NMNAT2: variants seen among roughly 807,000 people sequenced by gnomAD.
NMNAT2 encodes nicotinamide nucleotide adenylyltransferase 2.
Under a neutral mutation model 41.6 loss-of-function variants are expected in NMNAT2, and 11 were observed. The ratio of observed to expected loss-of-function variants is 0.26; its 90% confidence interval spans 0.17 to 0.44. The LOEUF (loss-of-function observed/expected upper bound fraction) is 0.44, where lower values mean the gene tolerates loss of function less well. Among genes scored for constraint, NMNAT2 ranks in the 20% least tolerant of loss-of-function variants. The pLI, the probability that NMNAT2 is intolerant of heterozygous loss-of-function variation, is 1.00. For missense variants in NMNAT2, 288 were observed against 407.7 expected, an observed-to-expected ratio of 0.71 and a Z score of 2.53; for synonymous variants, 148 against 151.2, an observed-to-expected ratio of 0.98 and a Z score of 0.16.
At chr1:183,279,944 G>A (rs903724378) in intron 7 of NMNAT2, among the ~76,000 whole-genome samples, 1 of 152,208 alleles carries the variant, frequency 6.6e-6, no homozygotes, top group South Asian at 2.1e-4. Context: ...AGGTGCTCAG[G>A]CATGTTGAAT....
intron 1 of NMNAT2, among the ~76,000 whole-genome samples, chr1:183,412,387 C>A (rs1170425017): frequency 6.6e-6 from 1 of 152,186 alleles, no homozygotes; most frequent in African/African-American, 2.4e-5. Flanking sequence ...CCACGCCCGG[C>A]TAATTTTTTG....
chr1:183,261,232 C>A lies in NMNAT2; in HGVS notation c.723G>T (p.Met241Ile). 6.2e-7 allele frequency: 1 copy of A among 1,614,164 alleles called. No individual in the cohort carries two copies. Among genetic ancestry groups the A allele is most frequent in the Non-Finnish European group, 8.5e-7 (1 of 1,180,028 alleles). ...ATTTGCGGAGTATTGAGGAGTGATT[C>A]ATGATTCGGTCTGTGTCGGCTGCAT... ...PRDAADTDRI[M>I]NHSSILRKYK... Residue 241 changes from methionine to isoleucine, a missense_variant, in exon 9 of 11, where the codon ATG (methionine) becomes ATT (isoleucine). Met to Ile is a conservative substitution (Grantham distance 10). Transcript: ENST00000287713.
intron 1 of NMNAT2, among the ~76,000 whole-genome samples, chr1:183,296,919 T>C (rs992306650): frequency 1.3e-5 from 2 of 152,076 alleles, no homozygotes; most frequent in African/African-American, 4.8e-5. Context: ...TTTGAAGAAA[T>C]TGCACAGCCT....
chr1:183,417,990 T>C (rs1445465660), intron 1 of NMNAT2, among the ~76,000 whole-genome samples, 193 bp downstream of exon 1: 113 of 151,938 alleles, frequency 7.4e-4, no homozygotes, highest in East Asian at 1.9e-4. Flanking sequence ...CCCCGGCAAG[T>C]GACGCCTCGG....
intron 7 of NMNAT2, among the ~76,000 whole-genome samples, chr1:183,278,999 T>A (rs1457569363): frequency 3.3e-5 from 5 of 152,212 alleles, no homozygotes; most frequent in African/African-American, 1.2e-4. Flanking sequence ...TCTGAGGTAC[T>A]CTCTCTTGCT....
intron 8 of NMNAT2, among the ~76,000 whole-genome samples, chr1:183,274,080 T>C (rs142982974): frequency 0.03 from 4,536 of 151,212 alleles, 137 homozygotes; most frequent in South Asian, 0.098. Flanking sequence ...GCCTGGGTGA[T>C]TTTTGTACTT....
chr1:183,299,687 G>T (rs1661798347), intron 1 of NMNAT2, among the ~76,000 whole-genome samples: 1 of 151,652 alleles, frequency 6.6e-6, no homozygotes, highest in African/African-American at 2.4e-5. Flanking sequence ...GTGTTAAGAA[G>T]ATTAATGCTT....
At chr1:183,308,093 T>C (rs529000159) in intron 1 of NMNAT2, among the ~76,000 whole-genome samples, 95 of 152,326 alleles carry the variant, frequency 6.2e-4, no homozygotes, top group Non-Finnish European at 9.6e-4. Context: ...AAGTTTCTGC[T>C]GCGATGGATG....
chr1:183,397,957 T>A (rs764994570), intron 1 of NMNAT2, among the ~76,000 whole-genome samples: 6 of 152,156 alleles, frequency 3.9e-5, no homozygotes, highest in African/African-American at 9.7e-5. Context: ...TGCAAAAATA[T>A]GCCAAATGGT....
rs945213099 is a variant in NMNAT2 at position 183,293,737 on chromosome 1, C to T, written c.142G>A (p.Val48Ile). The change falls in exon 2 of 11, where the codon GTC (valine) becomes ATC (isoleucine). Residue 48 changes from valine (V) to isoleucine (I), a missense_variant. Val to Ile is a conservative substitution (Grantham distance 29). This residue lies in a region of NMNAT2 where 100 missense variants were observed against 168.5 expected (regional missense o/e 0.59). Transcript: ENST00000287713. ...TGRFIVIGGI[V>I]SPVHDSYGKQ... ...CCATAGGAGTCGTGGACAGGGGAGA[C>T]AATCCCGCCAATCACAATAAACCTT... is the stretch of plus-strand genomic sequence containing the variant. 6 of 1,614,098 alleles carry T rather than the reference C, an allele frequency of 3.7e-6. No homozygotes were observed. In the Middle Eastern group the frequency reaches 8.2e-4, roughly 222 times the overall value.
chr1:183,302,807 T>A (rs1293370058), intron 1 of NMNAT2, among the ~76,000 whole-genome samples: 1 of 152,162 alleles, frequency 6.6e-6, no homozygotes, highest in Non-Finnish European at 1.5e-5. Context: ...TTGCCCCTGT[T>A]TCTCCACTCC....
In NMNAT2 at chr1:183,325,454, G is replaced by T. The variant is rs536735710; in HGVS notation, c.86-31661C>A. ...AAAAGATGGAAAAATGAGAAGTGTCGTATTCTTTAAGTGACTCAGGACTAT... is the reference window on the plus strand; with the variant it reads ...AAAAGATGGAAAAATGAGAAGTGTCTTATTCTTTAAGTGACTCAGGACTAT... On this transcript the variant is annotated intron_variant, in intron 1 of 10. Coordinates refer to ENST00000287713, the MANE Select transcript of NMNAT2 (RefSeq NM_015039.4). Among the ~76,000 whole-genome samples, 3 of 152,308 alleles carry T rather than the reference G, an allele frequency of 2.0e-5. No homozygotes were observed. The East Asian group carries it at 5.8e-4, about 29-fold the overall frequency.
At position 183,252,479 on chromosome 1, in the gene NMNAT2, G is replaced by A; in HGVS notation, c.*162C>T. ...CTGTCCAAAGATGACTGTGGAATAG[G>A]GAATGCCATGGTTCTCTGCAGGTCC... On this transcript the variant is annotated 3_prime_UTR_variant, in exon 11 of 11. Transcript: ENST00000287713. The A allele has an allele frequency of 1.5e-6, 1 of 655,514 alleles. No homozygotes were observed. Among genetic ancestry groups the A allele is most frequent in the Non-Finnish European group, 2.8e-6 (1 of 360,846 alleles). 40.6% of individuals were successfully genotyped at this position (655,514 alleles called of 1,614,324 possible).
At chr1:183,329,015 G>A (rs616545) in intron 1 of NMNAT2, among the ~76,000 whole-genome samples, 108,340 of 151,996 alleles carry the variant, frequency 0.71, 38,740 homozygotes, top group East Asian at 0.89. Context: ...GTAGCAAGTC[G>A]GTAGAAATAG....
intron 1 of NMNAT2, among the ~76,000 whole-genome samples, chr1:183,376,793 AG>A (rs1201874170): frequency 6.6e-6 from 1 of 152,204 alleles, no homozygotes; most frequent in African/African-American, 2.4e-5. Flanking sequence ...CCCTATCTAC[AG>A]GGGCTCCAGC....
intron 1 of NMNAT2, among the ~76,000 whole-genome samples, chr1:183,294,371 A>G (rs1468993836): frequency 6.6e-6 from 1 of 152,236 alleles, no homozygotes; most frequent in Non-Finnish European, 1.5e-5. Context: ...ATCCTTTGGA[A>G]GGTATGCAAT....
At chr1:183,379,624 T>A (rs1246687034) in intron 1 of NMNAT2, among the ~76,000 whole-genome samples, 1 of 152,136 alleles carries the variant, frequency 6.6e-6, no homozygotes, top group Non-Finnish European at 1.5e-5. Context: ...AGGAATATTA[T>A]CAAGAATAAA....
intron 7 of NMNAT2, 122 bp downstream of exon 7, chr1:183,283,873 G>T: frequency 1.1e-6 from 1 of 905,168 alleles, no homozygotes. Context: ...CCTCTTCCGA[G>T]AGGAGACCCT....
At chr1:183,256,408 C>CA (rs1301812450) in intron 10 of NMNAT2, among the ~76,000 whole-genome samples, 5 of 151,450 alleles carry the variant, frequency 3.3e-5, no homozygotes, top group South Asian at 2.1e-4. Context: ...GACTCCATCT[C>CA]AAAAAAAATA....
Sources: gnomAD v4.1 joint callset for allele counts (sites outside exome capture counted in the v4.1 genomes callset) on GRCh38, gnomAD v4.1.1 for gene constraint, gnomAD v4.1.1 regional missense constraint, MANE v1.5 for transcripts, NCBI Gene and HGNC (gene_info 2026-07-23, HGNC 2026-07-21) for gene names.